The following ANO2 variants were observed in gnomAD, a reference collection of about 807,000 sequenced individuals.
The protein encoded by ANO2 is anoctamin 2.
ANO2 carries 101 observed loss-of-function variants against 124.2 expected under a neutral mutation model. The ratio of observed to expected loss-of-function variants is 0.81; its 90% confidence interval spans 0.69 to 0.96. The LOEUF (loss-of-function observed/expected upper bound fraction) is 0.96, where lower values mean the gene tolerates loss of function less well. Ranked by LOEUF, ANO2 falls within the 40% of genes least tolerant of loss-of-function variation. The pLI is 0.00. For missense variants in ANO2, 1,293 were observed against 1,274.5 expected, an observed-to-expected ratio of 1.01 and a Z score of -0.22; for synonymous variants, 486 against 482.5, an observed-to-expected ratio of 1.01 and a Z score of -0.09.
intron 1 of ANO2, among the ~76,000 whole-genome samples, chr12:5,933,479 G>C (rs1487091862): frequency 6.6e-6 from 1 of 152,200 alleles, no homozygotes; most frequent in African/African-American, 2.4e-5. Context: ...GAGGTGCCAG[G>C]AGAAGGATGG....
intron 11 of ANO2, among the ~76,000 whole-genome samples, chr12:5,746,122 T>C (rs1028539531): frequency 1.3e-5 from 2 of 152,234 alleles, no homozygotes; most frequent in African/African-American, 4.8e-5. Context: ...CTTTTAAGCA[T>C]GGACTGAGGA....
intron 16 of ANO2, among the ~76,000 whole-genome samples, chr12:5,621,291 G>C (rs901544184): frequency 6.6e-6 from 1 of 152,176 alleles, no homozygotes; most frequent in Admixed American, 6.5e-5. Flanking sequence ...AAATGAATGA[G>C]TGAATGAATG....
intron 3 of ANO2, among the ~76,000 whole-genome samples, chr12:5,881,372 C>T (rs556526415): frequency 3.3e-5 from 5 of 152,264 alleles, no homozygotes; most frequent in African/African-American, 1.2e-4. Flanking sequence ...TGGAAAAACT[C>T]ATCATCAGTA....
chr12:5,813,118 G>A (rs562585108), intron 7 of ANO2, among the ~76,000 whole-genome samples: 10 of 151,898 alleles, frequency 6.6e-5, no homozygotes, highest in Non-Finnish European at 1.0e-4. Context: ...AGGAAAAGAA[G>A]TTCCAGAGAC....
chr12:5,812,986 GTAAGCAAA>G (rs1314871583), intron 7 of ANO2, among the ~76,000 whole-genome samples: 25 of 41,300 alleles, frequency 6.1e-4, no homozygotes, highest in African/African-American at 1.4e-3. Flanking sequence ...GGAAGGAAGG[GTAAGCAAA>G]CAAGCAAGAA....
rs999711847 is a variant in ANO2, at chr12:5,658,597, ATCAT to A, written c.1546-10800_1546-10797del. On this transcript the variant is annotated intron_variant, in intron 14 of 24. Transcript: ENST00000682330. This position sits in a 1 kb window ranked among gnomAD's most constrained non-coding sequence, Gnocchi z 4.3. ...CATTGTCATCAATATCATCATCATCATCATTATCATCATTAAATCATCATCAACA... is the reference window on the plus strand; with the variant it reads ...CATTGTCATCAATATCATCATCATCATATCATCATTAAATCATCATCAACA... Among the ~76,000 whole-genome samples the A allele has an allele frequency of 6.6e-6, 1 of 152,142 alleles. No homozygotes were observed. The highest frequency in any genetic ancestry group is 1.5e-5 in the Non-Finnish European group (1 of 68,040).
chr12:5,646,909 A>G (rs1486404997), intron 15 of ANO2, among the ~76,000 whole-genome samples: 2 of 147,402 alleles, frequency 1.4e-5, no homozygotes, highest in Admixed American at 1.3e-4. Flanking sequence ...ACCTCAGGCC[A>G]GAGTCAGAGT....
intron 3 of ANO2, among the ~76,000 whole-genome samples, chr12:5,886,527 T>C (rs1423682033): frequency 6.6e-6 from 1 of 152,210 alleles, no homozygotes; most frequent in East Asian, 1.9e-4. Context: ...AATAGTATCA[T>C]GCACTTCAAA....
chr12:5,808,161 G>C lies in ANO2; in HGVS notation c.893-793C>G, dbSNP rs953043606. ...TGGGTGTTCCCAATAATTTTTAAAA[G>C]TGTGAAGTTACCCTGAGACCAAAAA... On this transcript the variant is annotated intron_variant, in intron 7 of 24. Coordinates refer to ENST00000682330, the MANE Select transcript of ANO2 (RefSeq NM_001364791.2). 2.6e-5 allele frequency among the ~76,000 whole-genome samples: 4 copies of C among 152,214 alleles called. No homozygotes were observed. In the East Asian group the frequency reaches 7.7e-4, roughly 29 times the overall value.
intron 19 of ANO2, among the ~76,000 whole-genome samples, chr12:5,609,839 C>T (rs1265053826): frequency 6.7e-6 from 1 of 149,936 alleles, no homozygotes; most frequent in Non-Finnish European, 1.5e-5. Flanking sequence ...TGTGATAAAC[C>T]AGAATTAGTC....
chr12:5,597,501 C>A (rs1323731539), intron 20 of ANO2, among the ~76,000 whole-genome samples: 1 of 152,176 alleles, frequency 6.6e-6, no homozygotes, highest in Non-Finnish European at 1.5e-5. Flanking sequence ...CATTGATGAG[C>A]ATTTAGGTGG....
chr12:5,893,772 AGAATGAT>A (rs1053859126), intron 3 of ANO2, among the ~76,000 whole-genome samples: 1 of 152,010 alleles, frequency 6.6e-6, no homozygotes, highest in African/African-American at 2.4e-5. Flanking sequence ...TAGTTTGCTG[AGAATGAT>A]GGTTTCAAAC....
chr12:5,907,608 G>C (rs1940783708), intron 3 of ANO2, among the ~76,000 whole-genome samples: 2 of 152,026 alleles, frequency 1.3e-5, no homozygotes, highest in Admixed American at 1.3e-4. Flanking sequence ...AAATAGGAAG[G>C]GAATTCAACT....
intron 16 of ANO2, among the ~76,000 whole-genome samples, chr12:5,619,226 A>G (rs982853450): frequency 2.6e-5 from 4 of 152,250 alleles, no homozygotes; most frequent in African/African-American, 9.6e-5. Flanking sequence ...AATGGGATTG[A>G]GAACTGTAGT....
At chr12:5,692,774 A>C (rs894236417) in intron 14 of ANO2, among the ~76,000 whole-genome samples, 2 of 152,192 alleles carry the variant, frequency 1.3e-5, no homozygotes, top group African/African-American at 4.8e-5. Context: ...TGCGCCCCGT[A>C]GTAGGGCCTG....
chr12:5,759,166 A>AC (rs1491261385), intron 10 of ANO2, among the ~76,000 whole-genome samples: 2 of 146,150 alleles, frequency 1.4e-5, no homozygotes, highest in Non-Finnish European at 3.0e-5. Context: ...AAAAAAAAAA[A>AC]CAACAAAACA....
intron 14 of ANO2, among the ~76,000 whole-genome samples, chr12:5,677,498 G>C (rs533724772): frequency 1.7e-4 from 26 of 152,154 alleles, no homozygotes; most frequent in Non-Finnish European, 3.1e-4. Context: ...TGCAGAAAGG[G>C]GAGCAACAGA....
intron 3 of ANO2, among the ~76,000 whole-genome samples, chr12:5,914,683 G>A (rs1941276597): frequency 1.3e-5 from 2 of 152,202 alleles, no homozygotes; most frequent in Non-Finnish European, 2.9e-5. Flanking sequence ...TGGCCTCCCT[G>A]TCATGCCATT....
intron 7 of ANO2, among the ~76,000 whole-genome samples, chr12:5,815,695 T>C (rs1419637095): frequency 6.6e-6 from 1 of 152,212 alleles, no homozygotes; most frequent in Non-Finnish European, 1.5e-5. Flanking sequence ...ATGGTTTGCA[T>C]ATGTGTTCTA....
Sources: allele counts gnomAD v4.1 joint callset (sites outside exome capture counted in the v4.1 genomes callset), GRCh38; gene constraint gnomAD v4.1.1; non-coding constraint Gnocchi (gnomAD v3.1); transcripts MANE v1.5; gene names NCBI Gene and HGNC (gene_info 2026-07-23, HGNC 2026-07-21).